Variants in TNN observed in about 807,000 individuals in gnomAD.
TNN encodes tenascin-N.
In TNN, 122 loss-of-function variants were observed where a neutral mutation model predicts 134.4. The observed-to-expected ratio is 0.91, with a 90% CI of 0.78 to 1.06. The LOEUF (loss-of-function observed/expected upper bound fraction) is 1.06. TNN is among the 50% of genes least tolerant of loss of function. The probability of loss-of-function intolerance (pLI) is 0.00; values close to 1 mark genes in which losing one functional copy is unlikely to be tolerated. For synonymous variants in TNN, 710 were observed against 670.3 expected, an observed-to-expected ratio of 1.06 and a Z score of -0.91; for missense variants, 1,739 against 1,699.4, an observed-to-expected ratio of 1.02 and a Z score of -0.41.
chr1:175,098,529 A>T lies in TNN; in HGVS notation c.2053A>T (p.Met685Leu). The T allele has an allele frequency of 6.2e-7, 1 of 1,614,166 alleles. No individual in the cohort carries two copies. Among genetic ancestry groups the T allele is most frequent in the Non-Finnish European group, 8.5e-7 (1 of 1,180,036 alleles). Residue 685 changes from methionine to leucine, a missense_variant, in exon 9 of 19, where the codon ATG (methionine) becomes TTG (leucine). By Grantham distance (15) the Met-to-Leu change is conservative. Transcript: ENST00000239462. ...LTGLRPGMEY[M>L]VHVWAQKGDQ... The stretch of plus-strand genomic sequence containing the variant: ...AGGCCTGAGACCGGGTATGGAGTAC[A>T]TGGTGCACGTGTGGGCCCAGAAGGG...
intron 17 of TNN, among the ~76,000 whole-genome samples, chr1:175,143,073 C>G (rs188366997): frequency 6.6e-6 from 1 of 152,114 alleles, no homozygotes; most frequent in Non-Finnish European, 1.5e-5. Flanking sequence ...CAGAAAGAAC[C>G]CTGGACTTGG....
intron 3 of TNN, 70 bp downstream of exon 3, chr1:175,079,777 A>C: frequency 6.7e-7 from 1 of 1,491,156 alleles, no homozygotes; most frequent in African/African-American, 1.4e-5. Flanking sequence ...CCTCAATTAC[A>C]CGTTGTCATC....
chr1:175,141,924 C>A (rs973117584), intron 17 of TNN, among the ~76,000 whole-genome samples: 1 of 152,188 alleles, frequency 6.6e-6, no homozygotes, highest in Non-Finnish European at 1.5e-5. Flanking sequence ...TGGGTGAAAA[C>A]CTGCTTTACC....
rs192095123 is a variant in TNN at position 175,107,344 on chromosome 1, C to T, written c.2119+8749C>T. The stretch of plus-strand genomic sequence containing the variant: ...AAGGTGGCGCATCTGGAGTCTGTCC[C>T]TTCTGATGTTCTGATGTGTTCGGAG... On this transcript the variant is annotated intron_variant, in intron 9 of 18. Transcript: ENST00000239462. Among the ~76,000 whole-genome samples, 189 of 138,938 alleles carry T rather than the reference C, an allele frequency of 1.4e-3. 12 individuals carry two copies. Among genetic ancestry groups the T allele is most frequent in the African/African-American group, 4.1e-3 (156 of 38,354 alleles). The allele number at this position is 138,938 out of a possible 152,430, so 91.1% of individuals were successfully genotyped here.
intron 9 of TNN, among the ~76,000 whole-genome samples, chr1:175,110,932 T>C (rs1482884842): frequency 1.3e-5 from 2 of 152,106 alleles, no homozygotes; most frequent in Non-Finnish European, 2.9e-5. Flanking sequence ...CCCAGCACTT[T>C]GGGAGGTCAA....
chr1:175,135,476 G>A (rs1350605602), intron 15 of TNN, among the ~76,000 whole-genome samples: 1 of 152,182 alleles, frequency 6.6e-6, no homozygotes, highest in Non-Finnish European at 1.5e-5. Context: ...AACATGATGT[G>A]CCCCAATTGA....
At chr1:175,107,076 T>C (rs568303139) in intron 9 of TNN, among the ~76,000 whole-genome samples, 1 of 146,500 alleles carries the variant, frequency 6.8e-6, no homozygotes, top group South Asian at 2.3e-4. Context: ...CGCTTGGCGA[T>C]ATGCGAAAGT....
intron 6 of TNN, among the ~76,000 whole-genome samples, chr1:175,092,688 C>T (rs1331885994): frequency 6.6e-6 from 1 of 152,108 alleles, no homozygotes; most frequent in African/African-American, 2.4e-5. Context: ...TTAATGTATC[C>T]AAAAGCAAAC....
At chr1:175,101,346 G>A (rs1057217786) in intron 9 of TNN, among the ~76,000 whole-genome samples, 2 of 151,660 alleles carry the variant, frequency 1.3e-5, no homozygotes, top group African/African-American at 4.8e-5. Flanking sequence ...TCGTGGTCTC[G>A]CTGGGCTCAG....
rs1420548042 is a variant in TNN at position 175,107,531 on chromosome 1, G to A, written c.2119+8936G>A. On this transcript the variant is annotated intron_variant, in intron 9 of 18. Transcript: ENST00000239462. ...CTCAGGAGTGAAGCTGCAGATCTTC[G>A]CGGTGAGTGTTACAGCTCATAAAAG... Among the ~76,000 whole-genome samples, 6 of 147,172 alleles carry A rather than the reference G, an allele frequency of 4.1e-5. 1 individual carries two copies. Among genetic ancestry groups the A allele is most frequent in the South Asian group, 4.5e-4 (2 of 4,418 alleles).
At chr1:175,076,413 T>TA (rs1415220714) in intron 1 of TNN, among the ~76,000 whole-genome samples, 3 of 152,146 alleles carry the variant, frequency 2.0e-5, no homozygotes, top group Non-Finnish European at 4.4e-5. Context: ...GTCCTGTCCT[T>TA]AACAGGCTCA....
chr1:175,119,320 G>C (rs1216646158), intron 11 of TNN, among the ~76,000 whole-genome samples: 1 of 152,228 alleles, frequency 6.6e-6, no homozygotes, highest in East Asian at 1.9e-4. Context: ...TTTGTAAACT[G>C]TCATGGCACT....
intron 12 of TNN, 28 bp downstream of exon 12, chr1:175,123,691 CA>C: frequency 6.2e-7 from 1 of 1,612,884 alleles, no homozygotes; most frequent in Non-Finnish European, 8.5e-7. Context: ...GCCAGGGGAA[CA>C]CCTCACACTT....
chr1:175,097,985 T>C (rs531510408), intron 8 of TNN, among the ~76,000 whole-genome samples: 137 of 152,332 alleles, frequency 9.0e-4, no homozygotes, highest in African/African-American at 3.2e-3. Context: ...TTTAGAGTGC[T>C]CATCAGTGAA....
chr1:175,086,023 G>T (rs958959624), intron 6 of TNN, among the ~76,000 whole-genome samples: 6 of 152,168 alleles, frequency 3.9e-5, no homozygotes, highest in Non-Finnish European at 7.3e-5. Flanking sequence ...CTCTCCCAGG[G>T]TCTTGGAGTC....
chr1:175,128,369 G>T (rs1675584859), intron 14 of TNN, among the ~76,000 whole-genome samples: 1 of 152,212 alleles, frequency 6.6e-6, no homozygotes, highest in Non-Finnish European at 1.5e-5. Context: ...GTGTTACTTT[G>T]TGAGGGAGCT....
At chr1:175,122,624 G>A (rs1385518702) in intron 11 of TNN, among the ~76,000 whole-genome samples, 2 of 152,220 alleles carry the variant, frequency 1.3e-5, no homozygotes, top group Non-Finnish European at 2.9e-5. Flanking sequence ...CATTAGATGT[G>A]GCAACACGGA....
At chr1:175,106,879 C>A (rs1024123136) in intron 9 of TNN, among the ~76,000 whole-genome samples, 1 of 145,818 alleles carries the variant, frequency 6.9e-6, no homozygotes, top group Non-Finnish European at 1.5e-5. Context: ...GAGCCCTTTC[C>A]CAGAAAGCTT....
At position 175,080,586 on chromosome 1, in the gene TNN, C is replaced by G. The variant is rs184196234; in HGVS notation, c.1048+160C>G. ...AGAGTCCCAGTTCTCTCTCTTCTTT[C>G]CTTGCTCCCTGATTACTGGGTTCTC... is the stretch of plus-strand genomic sequence containing the variant. On this transcript the variant is annotated intron_variant, in intron 4 of 18. Transcript: ENST00000239462. 5.3e-5 allele frequency among the ~76,000 whole-genome samples: 8 copies of G among 152,268 alleles called. No homozygotes were observed. The East Asian group carries it at 1.5e-3, about 29-fold the overall frequency.
Sources: gnomAD v4.1 joint callset for allele counts (sites outside exome capture counted in the v4.1 genomes callset) on GRCh38, gnomAD v4.1.1 for gene constraint, MANE v1.5 for transcripts, NCBI Gene and HGNC (gene_info 2026-07-23, HGNC 2026-07-21) for gene names.